PCDHGB7: variants seen among roughly 807,000 people sequenced by gnomAD.
PCDHGB7 encodes the protein protocadherin gamma-B7.
A neutral mutation model predicts 61.4 loss-of-function variants in PCDHGB7; 37 were observed. The ratio of observed to expected loss-of-function variants is 0.60; its 90% CI spans 0.46 to 0.79. PCDHGB7 has a LOEUF of 0.79. Among genes scored for constraint, PCDHGB7 ranks in the 30% least tolerant of loss-of-function variants. The pLI is 0.00. For missense variants in PCDHGB7, 1,166 were observed against 1,202.5 expected (o/e 0.97, Z 0.45); for synonymous variants, 464 against 503.5 (o/e 0.92, Z 1.05).
intron 1 of PCDHGB7, chr5:141,428,440 G>A (rs890993546): frequency 1.0e-5 from 4 of 393,892 alleles, no homozygotes; most frequent in African/African-American, 8.2e-5. Flanking sequence ...GACTAGACCA[G>A]GGGTTTTTCC....
intron 1 of PCDHGB7, chr5:141,430,857 A>G: frequency 1.3e-6 from 2 of 1,591,432 alleles, no homozygotes; most frequent in Non-Finnish European, 1.7e-6. Flanking sequence ...CAGATACGCT[A>G]TTCAGTTCCG....
chr5:141,419,096 G>T lies in PCDHGB7; in HGVS notation c.1237G>T (p.Glu413Ter). The T allele has an allele frequency of 5.6e-6, 9 of 1,613,918 alleles. No individual in the cohort carries two copies. The highest frequency in any genetic ancestry group is 7.6e-6 in the Non-Finnish European group (9 of 1,179,892). ...AGTAACAGATGAGGCCCTGGATCGGGAGCAGACCCCAGAGTACAACGTCAC... is the reference window on the plus strand; with the variant it reads ...AGTAACAGATGAGGCCCTGGATCGGTAGCAGACCCCAGAGTACAACGTCAC... ...KLVTDEALDR[E>*]QTPEYNVTIA... The change falls in exon 1 of 4, where the codon GAG (glutamate) becomes TAG (stop). Residue 413 changes from glutamate (E) to a stop codon, truncating the protein, a stop_gained. Transcript: ENST00000398594. LOFTEE classifies it high-confidence loss of function.
chr5:141,440,997 A>G (rs1191545127), intron 1 of PCDHGB7: 1 of 152,178 alleles, frequency 6.6e-6, no homozygotes, highest in East Asian at 1.9e-4. Context: ...ACCCATATCT[A>G]GTTTGGCCTT....
rs1340692426 is a variant in PCDHGB7 at position 141,485,025 on chromosome 5, A to C, written c.2416-9782A>C. ...CAAATCTACCCCGCCACCAGCAAAAACGGCGCGTAACCCTTGCGGCGCCGG... is the reference window on the plus strand; with the variant it reads ...CAAATCTACCCCGCCACCAGCAAAACCGGCGCGTAACCCTTGCGGCGCCGG... On this transcript the variant is annotated intron_variant, in intron 1 of 3. Transcript: ENST00000398594. This position sits in a 1 kb window ranked among gnomAD's most constrained non-coding sequence, Gnocchi z 5.7. 2 of 657,796 alleles carry C rather than the reference A, an allele frequency of 3.0e-6. No homozygotes were observed. The highest frequency in any genetic ancestry group is 5.4e-6 in the Non-Finnish European group (2 of 369,210). The allele number at this position is 657,796 out of a possible 1,614,324, so 40.7% of individuals were successfully genotyped here.
Position 141,490,942 on chromosome 5 carries a change from C to T in PCDHGB7, c.2416-3865C>T, listed in dbSNP as rs371286343. On this transcript the variant is annotated intron_variant, in intron 1 of 3. Coordinates refer to ENST00000398594, the MANE Select transcript of PCDHGB7 (RefSeq NM_018927.4). This position sits in a 1 kb window ranked among gnomAD's most constrained non-coding sequence, Gnocchi z 5.4. ...TAATGCCCCAGCTGTGCTGCACCCA[C>T]GGCCAGACTGGGAACACTCAGCCCC... 8.7e-5 allele frequency: 141 copies of T among 1,613,526 alleles called. No individual in the cohort carries two copies. Among genetic ancestry groups the T allele is most frequent in the Non-Finnish European group, 1.1e-4 (126 of 1,179,768 alleles).
chr5:141,510,289 A>T (rs1279501931), intron 3 of PCDHGB7, among the ~76,000 whole-genome samples: 3 of 151,754 alleles, frequency 2.0e-5, no homozygotes, highest in Non-Finnish European at 4.4e-5. Context: ...AAAAAAAAAA[A>T]AATGCTGTTT....
intron 1 of PCDHGB7, 70 bp downstream of exon 1, chr5:141,420,344 T>G (rs2096490860): frequency 2.2e-6 from 3 of 1,394,808 alleles, no homozygotes; most frequent in African/African-American, 1.5e-5. Flanking sequence ...TATAGTGGTA[T>G]TATTTTAAGA....
chr5:141,486,671 C>T lies in PCDHGB7; in HGVS notation c.2416-8136C>T, dbSNP rs1307620045. The T allele has an allele frequency of 1.9e-6, 3 of 1,613,926 alleles. No homozygotes were observed. Among genetic ancestry groups the T allele is most frequent in the South Asian group, 1.1e-5 (1 of 91,078 alleles). On this transcript the variant is annotated intron_variant, in intron 1 of 3. Coordinates refer to ENST00000398594, the MANE Select transcript of PCDHGB7 (RefSeq NM_018927.4). This position sits in a 1 kb window ranked among gnomAD's most constrained non-coding sequence, Gnocchi z 5.0. Reference sequence around the variant, plus strand: ...CTACTCACTCCTGGAGCCCAGGAATCGAGATGTATCAGCTTCCTCTTTCAT... The same window carrying T: ...CTACTCACTCCTGGAGCCCAGGAATTGAGATGTATCAGCTTCCTCTTTCAT...
chr5:141,485,735 G>C lies in PCDHGB7; in HGVS notation c.2416-9072G>C, dbSNP rs1562107417. ...ACTGGATGTGAAGAAGCGCAGCGAC[G>C]GCAGCCTGGTCCCAGAGCTGCTCCT... is the stretch of plus-strand genomic sequence containing the variant. On this transcript the variant is annotated intron_variant, in intron 1 of 3. Coordinates refer to ENST00000398594, the MANE Select transcript of PCDHGB7 (RefSeq NM_018927.4). This position sits in a 1 kb window ranked among gnomAD's most constrained non-coding sequence, Gnocchi z 5.7. 2.5e-6 allele frequency: 4 copies of C among 1,614,048 alleles called. No individual in the cohort carries two copies. The highest frequency in any genetic ancestry group is 3.4e-6 in the Non-Finnish European group (4 of 1,180,044).
intron 1 of PCDHGB7, chr5:141,442,062 G>A (rs1001398926): frequency 7.0e-5 from 13 of 185,900 alleles, no homozygotes; most frequent in Admixed American, 1.3e-4. Context: ...GGTGCACTGC[G>A]GTGGACAGCC....
chr5:141,494,528 G>A lies in PCDHGB7; in HGVS notation c.2416-279G>A, dbSNP rs189993899. On this transcript the variant is annotated intron_variant, in intron 1 of 3. Coordinates refer to ENST00000398594, the MANE Select transcript of PCDHGB7 (RefSeq NM_018927.4). ...ATTTTGGCTCAGGAGTTCTGACTCTGGGGGCAGGGAGGAAGGGGCCATTTC... is the reference window on the plus strand; with the variant it reads ...ATTTTGGCTCAGGAGTTCTGACTCTAGGGGCAGGGAGGAAGGGGCCATTTC... 3.0e-4 allele frequency among the ~76,000 whole-genome samples: 45 copies of A among 152,274 alleles called. 1 individual carries two copies. Among genetic ancestry groups the A allele is most frequent in the African/African-American group, 1.0e-3 (42 of 41,542 alleles).
chr5:141,457,429 C>G (rs73280316), intron 1 of PCDHGB7, among the ~76,000 whole-genome samples: 1,780 of 152,292 alleles, frequency 0.012, 30 homozygotes, highest in African/African-American at 0.04. Context: ...TTTTCCCCCC[C>G]ACCAAGCTGC....
At position 141,496,642 on chromosome 5, in the gene PCDHGB7, G is replaced by C. The variant is rs1053400475; in HGVS notation, c.2474+1777G>C. Among the ~76,000 whole-genome samples the C allele has an allele frequency of 6.6e-5, 10 of 152,318 alleles. No individual in the cohort carries two copies. In the East Asian group the frequency reaches 1.5e-3, roughly 24 times the overall value. ...AGATCAAAAGGCTTGGGCTGCCCTT[G>C]CCCTTCCTTTGACCCCAGCTGTTGT... On this transcript the variant is annotated intron_variant, in intron 2 of 3. Transcript: ENST00000398594.
rs2099884159 is a variant in PCDHGB7 at position 141,512,278 on chromosome 5, G to A, written c.*1105G>A. 6.5e-6 allele frequency: 1 copy of A among 152,812 alleles called. No homozygotes were observed. Among genetic ancestry groups the A allele is most frequent in the Non-Finnish European group, 1.5e-5 (1 of 68,170 alleles). 9.5% of individuals were successfully genotyped at this position (152,812 alleles called of 1,614,324 possible). A position where few individuals can be genotyped will look rare whatever the true frequency, so the allele number is the denominator to read the frequency against. ...TGCTGGGTACTCCAGAGGTGCCACT[G>A]GTGGAAGGGTCAGCGGAGCCCCAGC... On this transcript the variant is annotated 3_prime_UTR_variant, in exon 4 of 4. Coordinates refer to ENST00000398594, the MANE Select transcript of PCDHGB7 (RefSeq NM_018927.4).
At chr5:141,446,288 G>C (rs1437669688) in intron 1 of PCDHGB7, among the ~76,000 whole-genome samples, 1 of 152,100 alleles carries the variant, frequency 6.6e-6, no homozygotes, top group Non-Finnish European at 1.5e-5. Flanking sequence ...GGATAAATGG[G>C]GAGCAGGGAT....
At position 141,431,098 on chromosome 5, in the gene PCDHGB7, A is replaced by G; in HGVS notation, c.2415+10824A>G. The G allele has an allele frequency of 6.2e-7, 1 of 1,614,260 alleles. No homozygotes were observed. The highest frequency in any genetic ancestry group is 8.5e-7 in the Non-Finnish European group (1 of 1,180,040). On this transcript the variant is annotated intron_variant, in intron 1 of 3. Transcript: ENST00000398594. This position sits in a 1 kb window ranked among gnomAD's most constrained non-coding sequence, Gnocchi z 4.8. ...ATCTAGACATTCTGATGGAGGATAA[A>G]GTGAAAATATATGGAGTAGAAGTAG...
chr5:141,490,030 C>G lies in PCDHGB7; in HGVS notation c.2416-4777C>G, dbSNP rs1361758608. The G allele has an allele frequency of 1.2e-6, 2 of 1,614,150 alleles. No individual in the cohort carries two copies. Among genetic ancestry groups the G allele is most frequent in the African/African-American group, 2.7e-5 (2 of 74,936 alleles). The stretch of plus-strand genomic sequence containing the variant: ...ACCCATTGGTACTCTGCTGCTCCGC[C>G]TCAATGCCACTGATCCAGACGAGGG... On this transcript the variant is annotated intron_variant, in intron 1 of 3. Coordinates refer to ENST00000398594, the MANE Select transcript of PCDHGB7 (RefSeq NM_018927.4). This position sits in a 1 kb window ranked among gnomAD's most constrained non-coding sequence, Gnocchi z 5.4.
At chr5:141,437,338 C>T (rs1328789308) in intron 1 of PCDHGB7, among the ~76,000 whole-genome samples, 1 of 152,196 alleles carries the variant, frequency 6.6e-6, no homozygotes, top group Non-Finnish European at 1.5e-5. Flanking sequence ...TGTAGCTTCA[C>T]TGTTTTATAG....
chr5:141,465,413 G>A (rs996581829), intron 1 of PCDHGB7, among the ~76,000 whole-genome samples: 1 of 152,174 alleles, frequency 6.6e-6, no homozygotes, highest in Non-Finnish European at 1.5e-5. Context: ...AGCCAAATCA[G>A]CACTGAAAGG....
Sources: gnomAD v4.1 joint callset for allele counts (sites outside exome capture counted in the v4.1 genomes callset) on GRCh38, gnomAD v4.1.1 for gene constraint, Gnocchi (gnomAD v3.1) non-coding constraint, MANE v1.5 for transcripts, NCBI Gene and HGNC (gene_info 2026-07-23, HGNC 2026-07-21) for gene names.